The following ST6GALNAC3 variants were observed in gnomAD, a reference collection of about 807,000 sequenced individuals.
ST6GALNAC3 encodes the protein alpha-N-acetylgalactosaminide alpha-2,6-sialyltransferase 3.
A neutral mutation model predicts 32.7 loss-of-function variants in ST6GALNAC3; 25 were observed. That is an observed-to-expected ratio of 0.76 (90% CI 0.56 to 1.07). The LOEUF is 1.07. Among genes scored for constraint, ST6GALNAC3 ranks in the 50% least tolerant of loss-of-function variants. The pLI is 0.00. For missense variants in ST6GALNAC3, 355 were observed against 382.4 expected, an observed-to-expected ratio of 0.93 and a Z score of 0.60; for synonymous variants, 129 against 133.1, an observed-to-expected ratio of 0.97 and a Z score of 0.21.
chr1:76,217,404 TTATTTC>T (rs145928989), intron 1 of ST6GALNAC3, among the ~76,000 whole-genome samples: 174 of 152,354 alleles, frequency 1.1e-3, no homozygotes, highest in African/African-American at 4.0e-3. Flanking sequence ...AGCAAAATCT[TTATTTC>T]TATATGTGGC....
At chr1:76,231,196 C>T (rs1407271545) in intron 1 of ST6GALNAC3, among the ~76,000 whole-genome samples, 2 of 152,128 alleles carry the variant, frequency 1.3e-5, no homozygotes, top group Non-Finnish European at 2.9e-5. Flanking sequence ...GATATGCAAG[C>T]GAGGCCATCT....
intron 1 of ST6GALNAC3, among the ~76,000 whole-genome samples, chr1:76,089,491 A>G (rs1034681633): frequency 6.6e-6 from 1 of 152,256 alleles, no homozygotes; most frequent in Non-Finnish European, 1.5e-5. Context: ...AAGTTAAAAT[A>G]TGCTAAAGAT....
At chr1:76,313,543 A>T in intron 1 of ST6GALNAC3, 1 of 550,252 alleles carries the variant, frequency 1.8e-6, no homozygotes. Context: ...ATAGGAGTGT[A>T]CAAGGAATAT....
chr1:76,347,751 CTCTA>C (rs1056256131), intron 2 of ST6GALNAC3, among the ~76,000 whole-genome samples: 3 of 152,108 alleles, frequency 2.0e-5, no homozygotes, highest in Non-Finnish European at 4.4e-5. Context: ...CAAGCTCTTG[CTCTA>C]TCTATCACTA....
At chr1:76,133,841 T>A (rs1649768015) in intron 1 of ST6GALNAC3, among the ~76,000 whole-genome samples, 1 of 152,168 alleles carries the variant, frequency 6.6e-6, no homozygotes, top group Non-Finnish European at 1.5e-5. Context: ...AAGGACTCCA[T>A]GCACAAGGGC....
chr1:76,107,505 G>C (rs953767679), intron 1 of ST6GALNAC3, among the ~76,000 whole-genome samples: 1 of 151,978 alleles, frequency 6.6e-6, no homozygotes, highest in African/African-American at 2.4e-5. Context: ...ACTTTCTTTG[G>C]TACCATGATT....
At chr1:76,293,611 T>G (rs1167434360) in intron 1 of ST6GALNAC3, among the ~76,000 whole-genome samples, 1 of 152,174 alleles carries the variant, frequency 6.6e-6, no homozygotes, top group Non-Finnish European at 1.5e-5. Context: ...TGCCAGTCTT[T>G]ATATTATTCA....
intron 3 of ST6GALNAC3, among the ~76,000 whole-genome samples, chr1:76,524,123 T>C (rs894704002): frequency 6.6e-6 from 1 of 152,194 alleles, no homozygotes; most frequent in African/African-American, 2.4e-5. Context: ...ATCAATCTAC[T>C]TAAAACTAAT....
At chr1:76,486,437 G>C (rs1312609808) in intron 3 of ST6GALNAC3, among the ~76,000 whole-genome samples, 1 of 152,284 alleles carries the variant, frequency 6.6e-6, no homozygotes, top group East Asian at 1.9e-4. Context: ...ATTTAGGATA[G>C]TTAGCTCTTC....
intron 3 of ST6GALNAC3, among the ~76,000 whole-genome samples, chr1:76,536,390 T>C (rs1403333715): frequency 1.3e-5 from 2 of 152,008 alleles, no homozygotes; most frequent in Non-Finnish European, 2.9e-5. Context: ...AAACTTACAA[T>C]CATGGTGGAA....
intron 2 of ST6GALNAC3, among the ~76,000 whole-genome samples, chr1:76,331,263 T>A (rs1479970093): frequency 6.6e-6 from 1 of 152,122 alleles, no homozygotes; most frequent in Non-Finnish European, 1.5e-5. Context: ...TGGAAAAAAA[T>A]ACTGAGAAAG....
At chr1:76,226,495 A>C (rs560601870) in intron 1 of ST6GALNAC3, among the ~76,000 whole-genome samples, 6 of 152,238 alleles carry the variant, frequency 3.9e-5, no homozygotes, top group Non-Finnish European at 7.3e-5. Context: ...GTATTAGTCC[A>C]TTCTTGCATT....
chr1:76,413,318 T>G (rs1365283286), intron 3 of ST6GALNAC3, among the ~76,000 whole-genome samples: 1 of 152,180 alleles, frequency 6.6e-6, no homozygotes, highest in Non-Finnish European at 1.5e-5. Context: ...GGGAAGATAT[T>G]GAAACCAATA....
intron 2 of ST6GALNAC3, among the ~76,000 whole-genome samples, chr1:76,405,101 G>T (rs1273846402): frequency 2.0e-5 from 3 of 152,070 alleles, no homozygotes; most frequent in South Asian, 2.1e-4. Context: ...GTTTCTACTT[G>T]CTTTGAAGGT....
At chr1:76,441,527 A>G (rs1194898661) in intron 3 of ST6GALNAC3, among the ~76,000 whole-genome samples, 1 of 152,192 alleles carries the variant, frequency 6.6e-6, no homozygotes, top group Non-Finnish European at 1.5e-5. Context: ...TATGGGGTAC[A>G]TGAGATGTTT....
chr1:76,108,005 A>G (rs1318565176), intron 1 of ST6GALNAC3, among the ~76,000 whole-genome samples: 1 of 152,160 alleles, frequency 6.6e-6, no homozygotes, highest in Non-Finnish European at 1.5e-5. Context: ...TTTTAGCTAT[A>G]TATTTGGGCT....
chr1:76,396,406 A>T (rs1245429376), intron 2 of ST6GALNAC3, among the ~76,000 whole-genome samples: 2 of 152,220 alleles, frequency 1.3e-5, no homozygotes, highest in African/African-American at 2.4e-5. Flanking sequence ...TAGAGGCTGC[A>T]GTGAGTCGAG....
At chr1:76,076,295 A>T (rs1397409057) in intron 1 of ST6GALNAC3, among the ~76,000 whole-genome samples, 1 of 152,198 alleles carries the variant, frequency 6.6e-6, no homozygotes, top group Non-Finnish European at 1.5e-5. Context: ...TGTCCTATAC[A>T]TGTGGTAAAC....
chr1:76,233,699 A>G (rs909417431), intron 1 of ST6GALNAC3, among the ~76,000 whole-genome samples: 5 of 152,132 alleles, frequency 3.3e-5, no homozygotes, highest in African/African-American at 9.7e-5. Flanking sequence ...TTCTTTCTGC[A>G]TTAGTCTTTA....
Sources: allele counts gnomAD v4.1 joint callset (sites outside exome capture counted in the v4.1 genomes callset), GRCh38; gene constraint gnomAD v4.1.1; transcripts MANE v1.5; gene names NCBI Gene and HGNC (gene_info 2026-07-23, HGNC 2026-07-21).